ATF6: variants seen among roughly 807,000 people sequenced by gnomAD.
The protein encoded by ATF6 is activating transcription factor 6, also known as cyclic AMP-dependent transcription factor ATF-6 alpha.
A neutral mutation model predicts 83.6 loss-of-function variants in ATF6; 53 were observed. The ratio of observed to expected loss-of-function variants is 0.63; its 90% CI spans 0.51 to 0.80. The LOEUF (loss-of-function observed/expected upper bound fraction) is 0.80. ATF6 is among the 30% of genes least tolerant of loss of function. The probability of loss-of-function intolerance (pLI) is 0.00; values close to 1 mark genes in which losing one functional copy is unlikely to be tolerated. For synonymous variants in ATF6, 288 were observed against 285.8 expected (o/e 1.01, Z -0.08); for missense variants, 744 against 797.9 (o/e 0.93, Z 0.81).
chr1:161,789,252 C>CTTTT (rs71755584), intron 4 of ATF6, among the ~76,000 whole-genome samples: 26 of 101,368 alleles, frequency 2.6e-4, no homozygotes, highest in East Asian at 1.2e-3. Context: ...ATTCCTTCTC[C>CTTTT]TTTTTTTTTT....
chr1:161,768,869 G>A (rs563771774), intron 1 of ATF6, among the ~76,000 whole-genome samples: 1 of 152,046 alleles, frequency 6.6e-6, no homozygotes, highest in South Asian at 2.1e-4. Flanking sequence ...GTCTAGCCTT[G>A]ATTTTTTTTT....
chr1:161,834,763 CCTAAAG>C (rs1465374467), intron 9 of ATF6, among the ~76,000 whole-genome samples: 3 of 151,632 alleles, frequency 2.0e-5, no homozygotes, highest in African/African-American at 4.9e-5. Context: ...TACCCTAAAA[CCTAAAG>C]TATAATAATA....
Position 161,909,736 on chromosome 1 carries a change from C to G in ATF6, c.1720-2560C>G, listed in dbSNP as rs186884430. ...CTTTGGGAGGCCGAGGCGGGCAGAT[C>G]ACGAGGTCAGGAGATCAAGACCATC... On this transcript the variant is annotated intron_variant, in intron 14 of 15. Coordinates refer to ENST00000367942, the MANE Select transcript of ATF6 (RefSeq NM_007348.4). Among the ~76,000 whole-genome samples, 23 of 152,208 alleles carry G rather than the reference C, an allele frequency of 1.5e-4. No homozygotes were observed. In the South Asian group the frequency reaches 1.7e-3, roughly 11 times the overall value.
Position 161,865,368 on chromosome 1 carries a change from C to G in ATF6, c.1719+2056C>G, listed in dbSNP as rs190104209. ...AGAGACGGGGTTTCACCATGTTGGCCAGGATGGTCTCCATCTCCTGACCTT... is the reference window on the plus strand; with the variant it reads ...AGAGACGGGGTTTCACCATGTTGGCGAGGATGGTCTCCATCTCCTGACCTT... On this transcript the variant is annotated intron_variant, in intron 14 of 15. Transcript: ENST00000367942. Among the ~76,000 whole-genome samples the G allele has an allele frequency of 5.6e-3, 853 of 152,178 alleles. 3 individuals carry two copies. The highest frequency in any genetic ancestry group is 0.014 in the South Asian group (68 of 4,820).
chr1:161,948,101 A>G (rs1322377184), intron 15 of ATF6, among the ~76,000 whole-genome samples: 1 of 152,066 alleles, frequency 6.6e-6, no homozygotes, highest in African/African-American at 2.4e-5. Context: ...ACCTTAAGCC[A>G]TTCCTTTTGA....
intron 6 of ATF6, among the ~76,000 whole-genome samples, chr1:161,794,728 C>T (rs1684970682): frequency 6.6e-6 from 1 of 152,170 alleles, no homozygotes; most frequent in South Asian, 2.1e-4. Flanking sequence ...TTTTTTGGCT[C>T]ACCATTTTCT....
At chr1:161,913,891 T>C (rs1473837929) in intron 15 of ATF6, among the ~76,000 whole-genome samples, 1 of 152,232 alleles carries the variant, frequency 6.6e-6, no homozygotes. Flanking sequence ...TGGGTTCTTA[T>C]GCAAGAGAAT....
chr1:161,772,744 T>C (rs1378031160), intron 1 of ATF6, among the ~76,000 whole-genome samples: 9 of 150,728 alleles, frequency 6.0e-5, no homozygotes. Context: ...TATATCTAGA[T>C]AGTACTCTAG....
intron 6 of ATF6, among the ~76,000 whole-genome samples, chr1:161,798,510 G>T (rs1008998957): frequency 4.6e-5 from 7 of 152,214 alleles, no homozygotes; most frequent in Non-Finnish European, 7.3e-5. Context: ...TACTTGGGAG[G>T]CTGAGGCAGG....
chr1:161,819,392 C>T (rs1437012438), intron 7 of ATF6, among the ~76,000 whole-genome samples: 3 of 152,024 alleles, frequency 2.0e-5, no homozygotes, highest in Non-Finnish European at 2.9e-5. Context: ...GATTAATAAA[C>T]GAGCCTTAGA....
intron 15 of ATF6, among the ~76,000 whole-genome samples, chr1:161,933,276 G>A (rs1254274939): frequency 6.6e-6 from 1 of 152,164 alleles, no homozygotes; most frequent in East Asian, 1.9e-4. Flanking sequence ...CTGCAAACAA[G>A]TGATAATTTT....
At chr1:161,798,850 T>C (rs1685078725) in intron 6 of ATF6, among the ~76,000 whole-genome samples, 1 of 152,134 alleles carries the variant, frequency 6.6e-6, no homozygotes, top group Non-Finnish European at 1.5e-5. Flanking sequence ...GAAAAAATGC[T>C]CAACATCACT....
At chr1:161,940,047 G>A (rs1167047400) in intron 15 of ATF6, among the ~76,000 whole-genome samples, 1 of 151,990 alleles carries the variant, frequency 6.6e-6, no homozygotes, top group South Asian at 2.1e-4. Flanking sequence ...TAACATTCTC[G>A]AACACCTGCC....
At chr1:161,821,197 T>C (rs1444464789) in intron 9 of ATF6, 36 bp downstream of exon 9, 1 of 1,367,504 alleles carries the variant, frequency 7.3e-7, no homozygotes, top group Non-Finnish European at 1.0e-6. Flanking sequence ...ACACTAATGC[T>C]AAAAACTTAA....
chr1:161,862,459 T>G (rs1686905250), intron 13 of ATF6, among the ~76,000 whole-genome samples: 1 of 152,196 alleles, frequency 6.6e-6, no homozygotes. Flanking sequence ...ATCATTTGAC[T>G]GTATTTTTTG....
intron 15 of ATF6, among the ~76,000 whole-genome samples, chr1:161,933,275 A>T (rs1645989920): frequency 6.6e-6 from 1 of 152,216 alleles, no homozygotes. Context: ...CCTGCAAACA[A>T]GTGATAATTT....
Position 161,802,041 on chromosome 1 carries a change from T to A in ATF6, c.689-11T>A. ...TGTACCCTTTGATTCCTTTTCTTTT[T>A]TCTAACGCAGGCCAGACGGTTTTGC... On this transcript the variant is annotated splice_polypyrimidine_tract_variant and intron_variant, in intron 6 of 15. Coordinates refer to ENST00000367942, the MANE Select transcript of ATF6 (RefSeq NM_007348.4). 1 of 1,613,792 alleles carries A rather than the reference T, an allele frequency of 6.2e-7. No individual in the cohort carries two copies. The highest frequency in any genetic ancestry group is 8.5e-7 in the Non-Finnish European group (1 of 1,179,864).
In ATF6 at chr1:161,802,035, T is replaced by C; in HGVS notation, c.689-17T>C. Reference sequence around the variant, plus strand: ...TAGTTGTGTACCCTTTGATTCCTTTTCTTTTTTCTAACGCAGGCCAGACGG... The same window carrying C: ...TAGTTGTGTACCCTTTGATTCCTTTCCTTTTTTCTAACGCAGGCCAGACGG... On this transcript the variant is annotated splice_polypyrimidine_tract_variant and intron_variant, in intron 6 of 15. Transcript: ENST00000367942. The C allele has an allele frequency of 2.5e-6, 4 of 1,613,470 alleles. No homozygotes were observed. Among genetic ancestry groups the C allele is most frequent in the Non-Finnish European group, 3.4e-6 (4 of 1,179,684 alleles).
chr1:161,857,845 T>C (rs1686797577), intron 12 of ATF6, among the ~76,000 whole-genome samples: 1 of 152,156 alleles, frequency 6.6e-6, no homozygotes, highest in African/African-American at 2.4e-5. Flanking sequence ...ATAATACTCT[T>C]AATAAAATTT....
Sources: allele counts gnomAD v4.1 joint callset (sites outside exome capture counted in the v4.1 genomes callset), GRCh38; gene constraint gnomAD v4.1.1; transcripts MANE v1.5; gene names NCBI Gene and HGNC (gene_info 2026-07-23, HGNC 2026-07-21).